The following COL5A2 variants were observed in gnomAD, a reference collection of about 807,000 sequenced individuals.
COL5A2 encodes collagen type V alpha 2 chain.
COL5A2 carries 23 observed loss-of-function variants against 208.2 expected under a neutral mutation model. The ratio of observed to expected loss-of-function variants is 0.11; its 90% CI spans 0.08 to 0.16. The LOEUF is 0.16. Among genes scored for constraint, COL5A2 ranks in the 10% least tolerant of loss-of-function variants. The pLI, the probability that COL5A2 is intolerant of heterozygous loss-of-function variation, is 1.00. For synonymous variants in COL5A2, 625 were observed against 628.5 expected (o/e 0.99, Z 0.08); for missense variants, 1,590 against 1,956.4 (o/e 0.81, Z 3.53).
intron 1 of COL5A2, among the ~76,000 whole-genome samples, chr2:189,152,777 A>C (rs1448191546): frequency 6.6e-6 from 1 of 152,148 alleles, no homozygotes; most frequent in Non-Finnish European, 1.5e-5. Context: ...TGTAGAAGTA[A>C]GTTGGGGGAG....
intron 1 of COL5A2, among the ~76,000 whole-genome samples, chr2:189,128,607 T>TCTCA (rs1687652816): frequency 6.6e-6 from 1 of 152,008 alleles, no homozygotes. Flanking sequence ...AGGCCCTACT[T>TCTCA]CTAGTGACTC....
chr2:189,239,793 A>T, the COL5A2 span, among the ~76,000 whole-genome samples: 2 of 152,016 alleles, frequency 1.3e-5, no homozygotes, highest in South Asian at 2.1e-4. Flanking sequence ...AATAAATAAA[A>T]AAATAAAGAC....
intron 1 of COL5A2, among the ~76,000 whole-genome samples, chr2:189,206,191 G>C (rs1425278422): frequency 6.6e-6 from 1 of 152,164 alleles, no homozygotes; most frequent in African/African-American, 2.4e-5. Context: ...TGGGGAACCG[G>C]GAAGGGCAGT....
chr2:189,209,185 AT>A (rs59804009), intron 1 of COL5A2, among the ~76,000 whole-genome samples: 4,950 of 152,226 alleles, frequency 0.033, 86 homozygotes, highest in Admixed American at 0.047. Context: ...CTGATAATCA[AT>A]ACAGTATCAA....
the COL5A2 span, among the ~76,000 whole-genome samples, chr2:189,417,424 G>A: frequency 4.2e-5 from 5 of 118,046 alleles, no homozygotes; most frequent in Non-Finnish European, 7.3e-5. Context: ...GGTAAGTTAA[G>A]TCTTCCTTAC....
At chr2:189,303,448 T>C in the COL5A2 span, among the ~76,000 whole-genome samples, 1 of 152,144 alleles carries the variant, frequency 6.6e-6, no homozygotes, top group African/African-American at 2.4e-5. Context: ...TTCCTGGGTA[T>C]TCACCCTGGA....
chr2:189,376,158 A>C, the COL5A2 span, among the ~76,000 whole-genome samples: 10 of 152,322 alleles, frequency 6.6e-5, no homozygotes, highest in African/African-American at 2.4e-4. Context: ...AAAATACTTA[A>C]AATTTTTGCA....
the COL5A2 span, among the ~76,000 whole-genome samples, chr2:189,243,661 T>C: frequency 6.6e-6 from 1 of 152,098 alleles, no homozygotes; most frequent in Non-Finnish European, 1.5e-5. Context: ...TCAAATCTCA[T>C]ATCCTCACAT....
At chr2:189,275,181 A>T in the COL5A2 span, among the ~76,000 whole-genome samples, 2 of 152,138 alleles carry the variant, frequency 1.3e-5, no homozygotes, top group Non-Finnish European at 2.9e-5. Flanking sequence ...TTATCTTTCT[A>T]TCACATGCCT....
the COL5A2 span, among the ~76,000 whole-genome samples, chr2:189,428,186 T>C: frequency 6.6e-6 from 1 of 152,222 alleles, no homozygotes; most frequent in Admixed American, 6.5e-5. Context: ...TGTGTGTACC[T>C]GCCCAGATCT....
the COL5A2 span, among the ~76,000 whole-genome samples, chr2:189,277,442 G>T: frequency 1.3e-5 from 2 of 152,052 alleles, no homozygotes; most frequent in Non-Finnish European, 2.9e-5. Flanking sequence ...TTACCTGCGA[G>T]TTCGGGTCAA....
At chr2:189,087,404 A>G (rs1043215395) in intron 8 of COL5A2, among the ~76,000 whole-genome samples, 7 of 152,078 alleles carry the variant, frequency 4.6e-5, no homozygotes, top group African/African-American at 1.4e-4. Context: ...TATTATATGT[A>G]TATTACTATT....
chr2:189,061,530 A>G (rs748055848), intron 30 of COL5A2, 32 bp downstream of exon 30: 17 of 1,523,482 alleles, frequency 1.1e-5, no homozygotes, highest in Non-Finnish European at 1.5e-5. Context: ...TAGTTAATGG[A>G]AGATGAAATG....
At chr2:189,200,463 G>T (rs1689055653) in intron 1 of COL5A2, among the ~76,000 whole-genome samples, 1 of 148,844 alleles carries the variant, frequency 6.7e-6, no homozygotes, top group South Asian at 2.2e-4. Flanking sequence ...CCAGCAGAAA[G>T]TTTAGGTTAT....
the COL5A2 span, among the ~76,000 whole-genome samples, chr2:189,256,920 G>A: frequency 5.3e-5 from 8 of 152,292 alleles, no homozygotes; most frequent in Admixed American, 1.3e-4. Context: ...AAGCCACCGC[G>A]CCCAGCCACT....
At chr2:189,333,760 A>G in the COL5A2 span, among the ~76,000 whole-genome samples, 2 of 152,126 alleles carry the variant, frequency 1.3e-5, no homozygotes, top group African/African-American at 4.8e-5. Flanking sequence ...TCAGTCAAGA[A>G]GAGAAGCCTC....
the COL5A2 span, among the ~76,000 whole-genome samples, chr2:189,306,707 T>C: frequency 6.6e-6 from 1 of 152,230 alleles, no homozygotes; most frequent in African/African-American, 2.4e-5. Flanking sequence ...AAGAATGCCA[T>C]TACTTGACAT....
At chr2:189,297,606 C>T in the COL5A2 span, among the ~76,000 whole-genome samples, 2 of 152,082 alleles carry the variant, frequency 1.3e-5, no homozygotes, top group Non-Finnish European at 2.9e-5. Flanking sequence ...ATTGTGTGAG[C>T]TTTTCTTTTA....
At chr2:189,255,842 GATAATGTTTC>G in the COL5A2 span, among the ~76,000 whole-genome samples, 1 of 151,764 alleles carries the variant, frequency 6.6e-6, no homozygotes, top group African/African-American at 2.4e-5. Context: ...AAGGGATTAA[GATAATGTTTC>G]ATAAAGGAAG....
Sources: gnomAD v4.1 joint callset for allele counts (sites outside exome capture counted in the v4.1 genomes callset) on GRCh38, gnomAD v4.1.1 for gene constraint, MANE v1.5 for transcripts, NCBI Gene and HGNC (gene_info 2026-07-23, HGNC 2026-07-21) for gene names.